Variants in ADAMTS9 observed in about 807,000 individuals in gnomAD.
ADAMTS9 encodes A disintegrin and metalloproteinase with thrombospondin motifs 9.
In ADAMTS9, 107 loss-of-function variants were observed where a neutral mutation model predicts 257.1. That is an observed-to-expected ratio of 0.42 (90% CI 0.36 to 0.49). The LOEUF (loss-of-function observed/expected upper bound fraction) is 0.49. Among genes scored for constraint, ADAMTS9 ranks in the 20% least tolerant of loss-of-function variants. The probability of loss-of-function intolerance (pLI) is 0.03; values close to 1 mark genes in which losing one functional copy is unlikely to be tolerated. For synonymous variants in ADAMTS9, 982 were observed against 880.9 expected, an observed-to-expected ratio of 1.11 and a Z score of -2.03; for missense variants, 2,353 against 2,469.1, an observed-to-expected ratio of 0.95 and a Z score of 1.00.
chr3:64,608,882 A>G (rs1295563601), intron 22 of ADAMTS9, among the ~76,000 whole-genome samples: 1 of 152,124 alleles, frequency 6.6e-6, no homozygotes, highest in Non-Finnish European at 1.5e-5. Flanking sequence ...TCAACAAAGT[A>G]CTAACAAATT....
rs1342487824 is a variant in ADAMTS9 at position 64,616,121 on chromosome 3, A to G, written c.2863T>C (p.Tyr955His). Reference sequence around the variant, plus strand: ...GCACAGTAGATGTCCAATGTGCGGTAACCCAAGCCACACTGGGCACTACAT... The same window carrying G: ...GCACAGTAGATGTCCAATGTGCGGTGACCCAAGCCACACTGGGCACTACAT... Reference protein sequence around the residue: ...SECSAQCGLGYRTLDIYCAKY... With the variant: ...SECSAQCGLGHRTLDIYCAKY... Residue 955 changes from tyrosine (Y) to histidine (H), a missense_variant, in exon 20 of 40, where the codon TAC becomes CAC. By Grantham distance (83) the Tyr-to-His change is moderately conservative. Around this residue, in one of 3 missense-constraint regions of ADAMTS9, gnomAD observed 1,402 missense variants for 1,441.4 expected, o/e 0.97. Coordinates refer to ENST00000498707, the MANE Select transcript of ADAMTS9 (RefSeq NM_182920.2). The G allele has an allele frequency of 1.2e-6, 2 of 1,614,032 alleles. No individual in the cohort carries two copies. The highest frequency in any genetic ancestry group is 2.7e-5 in the African/African-American group (2 of 74,922).
At chr3:64,678,123 G>C (rs1006007109) in intron 3 of ADAMTS9, among the ~76,000 whole-genome samples, 1 of 152,186 alleles carries the variant, frequency 6.6e-6, no homozygotes, top group African/African-American at 2.4e-5. Flanking sequence ...AGCTCAGCAG[G>C]AGACCTCTCT....
At position 64,537,181 on chromosome 3, in the gene ADAMTS9, G is replaced by C. The variant is rs149239112; in HGVS notation, c.5613+2022C>G. Among the ~76,000 whole-genome samples the C allele has an allele frequency of 1.4e-4, 21 of 152,314 alleles. No homozygotes were observed. The East Asian group carries it at 3.9e-3, about 28-fold the overall frequency. On this transcript the variant is annotated intron_variant, in intron 37 of 39. Transcript: ENST00000498707. ...AAAAATACAAATTAGCCTCTCTCAA[G>C]CTTTGGGTTTTCTCATTTAGGAATT...
At position 64,604,262 on chromosome 3, in the gene ADAMTS9, G is replaced by C; in HGVS notation, c.3544C>G (p.Pro1182Ala). 6.2e-7 allele frequency: 1 copy of C among 1,613,696 alleles called. No homozygotes were observed. Among genetic ancestry groups the C allele is most frequent in the Non-Finnish European group, 8.5e-7 (1 of 1,179,858 alleles). Residue 1182 changes from proline to alanine, a missense_variant, in exon 24 of 40, where the codon CCA becomes GCA. Transcript: ENST00000498707. ...PETRRSTYSAPRTQWRFGSWT... is the reference protein window; with the variant it reads ...PETRRSTYSAARTQWRFGSWT... ...GACCCAAATCGCCACTGGGTTCTTG[G>C]TGCACTGTATGTGCTTCTCCTCGTT...
At chr3:64,526,725 T>G (rs1400192686) in intron 38 of ADAMTS9, among the ~76,000 whole-genome samples, 1 of 152,192 alleles carries the variant, frequency 6.6e-6, no homozygotes, top group Non-Finnish European at 1.5e-5. Context: ...AACAACCTCT[T>G]TACGCCTCAG....
At chr3:64,654,237 A>C in intron 8 of ADAMTS9, 116 bp downstream of exon 8, 5 of 1,044,112 alleles carry the variant, frequency 4.8e-6, no homozygotes, top group Non-Finnish European at 7.1e-6. Context: ...CTGCAACTCT[A>C]CTATGACTCG....
intron 32 of ADAMTS9, among the ~76,000 whole-genome samples, chr3:64,546,458 G>A (rs1485485749): frequency 6.6e-6 from 1 of 152,160 alleles, no homozygotes; most frequent in Non-Finnish European, 1.5e-5. Flanking sequence ...TACCAGTTTT[G>A]CAGATGAGAA....
chr3:64,652,337 T>C (rs1262441088), intron 8 of ADAMTS9, among the ~76,000 whole-genome samples: 1 of 152,184 alleles, frequency 6.6e-6, no homozygotes. Context: ...ACAGAAAAAC[T>C]CGATCTTAGT....
At chr3:64,555,322 G>A (rs1056857267) in intron 30 of ADAMTS9, among the ~76,000 whole-genome samples, 8 of 152,214 alleles carry the variant, frequency 5.3e-5, no homozygotes, top group African/African-American at 1.9e-4. Context: ...AGGAGGTGCG[G>A]TGGGGAGAAG....
Position 64,629,625 on chromosome 3 carries a change from C to T in ADAMTS9, c.2389+1830G>A, listed in dbSNP as rs187984534. ...CTTAGGCTGCTCTGATTTCTAGCAG[C>T]ACTTATCACTATAACACTATGGAGT... On this transcript the variant is annotated intron_variant, in intron 16 of 39. Coordinates refer to ENST00000498707, the MANE Select transcript of ADAMTS9 (RefSeq NM_182920.2). Among the ~76,000 whole-genome samples the T allele has an allele frequency of 5.9e-5, 9 of 152,358 alleles. No individual in the cohort carries two copies. The East Asian group carries it at 1.7e-3, about 29-fold the overall frequency.
Position 64,516,437 on chromosome 3 carries a change from C to T in ADAMTS9, c.*690G>A, listed in dbSNP as rs1575967466. 2 of 152,604 alleles carry T rather than the reference C, an allele frequency of 1.3e-5. No individual in the cohort carries two copies. The highest frequency in any genetic ancestry group is 2.9e-5 in the Non-Finnish European group (2 of 68,028). The allele number at this position is 152,604 out of a possible 1,614,324, so 9.5% of individuals were successfully genotyped here. On this transcript the variant is annotated 3_prime_UTR_variant, in exon 40 of 40. Coordinates refer to ENST00000498707, the MANE Select transcript of ADAMTS9 (RefSeq NM_182920.2). ...TAAGGGTAAAGAGCTGGTCTTATTT[C>T]ATCCAAGTGATTCTGTGCACTGGAA...
chr3:64,629,907 A>T (rs1700326845), intron 16 of ADAMTS9, among the ~76,000 whole-genome samples: 1 of 152,228 alleles, frequency 6.6e-6, no homozygotes, highest in African/African-American at 2.4e-5. Context: ...CTTCATGTAG[A>T]CATTCCAAAA....
chr3:64,551,345 G>C (rs2083269184), intron 30 of ADAMTS9, among the ~76,000 whole-genome samples: 1 of 152,218 alleles, frequency 6.6e-6, no homozygotes, highest in East Asian at 1.9e-4. Context: ...GAGTAGCTGG[G>C]ACTACAGGCG....
chr3:64,585,774 T>G (rs111341927), intron 28 of ADAMTS9, among the ~76,000 whole-genome samples: 5,158 of 152,264 alleles, frequency 0.034, 255 homozygotes, highest in African/African-American at 0.12. Flanking sequence ...ACCCAATATG[T>G]GCTTAATACT....
intron 3 of ADAMTS9, among the ~76,000 whole-genome samples, chr3:64,660,196 A>G (rs979371007): frequency 6.6e-6 from 1 of 152,358 alleles, no homozygotes; most frequent in Admixed American, 6.5e-5. Context: ...GAATTGTACA[A>G]TGAAGAAGTA....
intron 23 of ADAMTS9, 87 bp downstream of exon 23, chr3:64,606,873 A>G: frequency 1.3e-6 from 2 of 1,545,830 alleles, no homozygotes; most frequent in Non-Finnish European, 1.8e-6. Context: ...CTTATCTATG[A>G]AAGGATTTCA....
chr3:64,687,513 GC>G lies in ADAMTS9; in HGVS notation c.115+29del, dbSNP rs1318893617. The G allele has an allele frequency of 6.7e-7, 1 of 1,497,622 alleles. No individual in the cohort carries two copies. Among genetic ancestry groups the G allele is most frequent in the Admixed American group, 2.1e-5 (1 of 47,928 alleles). The allele number at this position is 1,497,622 out of a possible 1,614,324, so 92.8% of individuals were successfully genotyped here. On this transcript the variant is annotated intron_variant, in intron 1 of 39. Transcript: ENST00000498707. This position sits in a 1 kb window ranked among gnomAD's most constrained non-coding sequence, Gnocchi z 4.4. Reference sequence around the variant, plus strand: ...GGACCGGGAGGCGGCGTCGGGGCCGGCGGGGTCCCGGGGGCCGGAGCCTGGT... The same window carrying G: ...GGACCGGGAGGCGGCGTCGGGGCCGGGGGGTCCCGGGGGCCGGAGCCTGGT...
chr3:64,624,148 C>A (rs1178133678), intron 16 of ADAMTS9, among the ~76,000 whole-genome samples: 1 of 150,958 alleles, frequency 6.6e-6, no homozygotes, highest in Non-Finnish European at 1.5e-5. Context: ...ATCTAGTATA[C>A]AGCAATGTGA....
At chr3:64,540,982 G>C (rs371764905) in intron 36 of ADAMTS9, 113 bp downstream of exon 36, 2 of 99,238 alleles carry the variant, frequency 2.0e-5, no homozygotes, top group Non-Finnish European at 9.5e-5. Context: ...TAGCCAATGT[G>C]CAATGTGCAA....
Sources: allele counts gnomAD v4.1 joint callset (sites outside exome capture counted in the v4.1 genomes callset), GRCh38; gene constraint gnomAD v4.1.1; regional missense constraint gnomAD v4.1.1; non-coding constraint Gnocchi (gnomAD v3.1); transcripts MANE v1.5; gene names NCBI Gene and HGNC (gene_info 2026-07-23, HGNC 2026-07-21).